Variants in MMP26 observed in about 807,000 individuals in gnomAD.
The protein encoded by MMP26 is matrix metallopeptidase 26.
In MMP26, 33 loss-of-function variants were observed where a neutral mutation model predicts 31.0. The ratio of observed to expected loss-of-function variants is 1.06; its 90% CI spans 0.81 to 1.42. The LOEUF is 1.42. Among genes scored for constraint, MMP26 ranks in the 40% most tolerant of loss-of-function variants. MMP26 has a pLI of 0.00. For missense variants in MMP26, 347 were observed against 316.1 expected, an observed-to-expected ratio of 1.10 and a Z score of -0.74; for synonymous variants, 122 against 114.9, an observed-to-expected ratio of 1.06 and a Z score of -0.40.
At chr11:4,967,887 A>C (rs1364337043) in intron 2 of MMP26, among the ~76,000 whole-genome samples, 3 of 152,182 alleles carry the variant, frequency 2.0e-5, no homozygotes, top group Non-Finnish European at 4.4e-5. Flanking sequence ...TAATCTACTA[A>C]ATTTCTGTAA....
At chr11:4,709,301 A>T (rs1405159755) in intron 1 of MMP26, among the ~76,000 whole-genome samples, 1 of 152,176 alleles carries the variant, frequency 6.6e-6, no homozygotes, top group Non-Finnish European at 1.5e-5. Flanking sequence ...TGTATATATA[A>T]GTATCCTGAA....
chr11:4,990,298 T>G (rs1564820832), intron 4 of MMP26, among the ~76,000 whole-genome samples: 1 of 152,190 alleles, frequency 6.6e-6, no homozygotes, highest in Non-Finnish European at 1.5e-5. Context: ...TAATTTAATT[T>G]TGTTCACATT....
At chr11:4,965,023 C>T (rs952533239) in intron 2 of MMP26, among the ~76,000 whole-genome samples, 1 of 152,146 alleles carries the variant, frequency 6.6e-6, no homozygotes, top group Non-Finnish European at 1.5e-5. Flanking sequence ...CAACATGGTA[C>T]ACATTTACCT....
chr11:4,909,752 G>A (rs769718782), intron 2 of MMP26, among the ~76,000 whole-genome samples: 1 of 152,122 alleles, frequency 6.6e-6, no homozygotes, highest in African/African-American at 2.4e-5. Flanking sequence ...TTTCTAAAAT[G>A]TAAATTTAAC....
intron 2 of MMP26, chr11:4,923,488 C>G: frequency 6.2e-7 from 1 of 1,614,012 alleles, no homozygotes; most frequent in East Asian, 2.2e-5. Context: ...GGGGTGGTAC[C>G]AGCAGATACA....
chr11:4,848,375 A>G, intron 2 of MMP26: 1 of 1,614,170 alleles, frequency 6.2e-7, no homozygotes, highest in South Asian at 1.1e-5. Flanking sequence ...GAGTATGGGT[A>G]TGCTGAGTGA....
At chr11:4,759,317 G>A (rs1297946526) in intron 1 of MMP26, among the ~76,000 whole-genome samples, 3 of 151,998 alleles carry the variant, frequency 2.0e-5, no homozygotes, top group Admixed American at 6.6e-5. Context: ...GTTGTGTCAC[G>A]GAGTGTTTAA....
At chr11:4,979,459 T>A (rs1846783782) in intron 2 of MMP26, among the ~76,000 whole-genome samples, 1 of 152,142 alleles carries the variant, frequency 6.6e-6, no homozygotes, top group African/African-American at 2.4e-5. Context: ...AGGATCTGAA[T>A]TGGCACTGAT....
At chr11:4,884,200 C>T (rs376025098) in intron 2 of MMP26, among the ~76,000 whole-genome samples, 5 of 151,926 alleles carry the variant, frequency 3.3e-5, no homozygotes, top group East Asian at 3.9e-4. Flanking sequence ...GAGTGTGTGG[C>T]GGGACTCACA....
chr11:4,893,198 A>G (rs1429897703), intron 2 of MMP26, among the ~76,000 whole-genome samples: 1 of 152,160 alleles, frequency 6.6e-6, no homozygotes, highest in Non-Finnish European at 1.5e-5. Context: ...TATAATATGG[A>G]TCAAATAAAC....
chr11:4,944,574 T>C (rs1440515126), intron 2 of MMP26: 1 of 152,290 alleles, frequency 6.6e-6, no homozygotes, highest in Non-Finnish European at 1.5e-5. Context: ...CTGGAAGGTG[T>C]TTCTTGATTC....
chr11:4,858,891 A>T (rs1850099557), intron 2 of MMP26, among the ~76,000 whole-genome samples: 2 of 152,210 alleles, frequency 1.3e-5, no homozygotes, highest in African/African-American at 4.8e-5. Context: ...CCAACGGAAC[A>T]GAACAGAGCC....
intron 2 of MMP26, among the ~76,000 whole-genome samples, chr11:4,815,918 C>T (rs557224959): frequency 2.0e-4 from 30 of 152,254 alleles, no homozygotes; most frequent in East Asian, 5.8e-4. Flanking sequence ...AGGATATTTA[C>T]GTGTTCACTC....
chr11:4,819,782 G>A (rs993031434), intron 2 of MMP26, among the ~76,000 whole-genome samples: 8 of 151,792 alleles, frequency 5.3e-5, no homozygotes, highest in African/African-American at 1.9e-4. Flanking sequence ...GTTTCCCTAT[G>A]TTACCCATGC....
intron 2 of MMP26, among the ~76,000 whole-genome samples, chr11:4,878,282 A>G (rs1330679070): frequency 6.6e-6 from 1 of 152,154 alleles, no homozygotes; most frequent in East Asian, 1.9e-4. Flanking sequence ...TGAGAAATCT[A>G]TCCGGACTGC....
chr11:4,748,830 C>T (rs972195465), intron 1 of MMP26, among the ~76,000 whole-genome samples: 3 of 151,836 alleles, frequency 2.0e-5, no homozygotes, highest in Non-Finnish European at 4.4e-5. Context: ...AACCTGCAGC[C>T]AACATCATAT....
In MMP26 at chr11:4,948,832, C is replaced by A. The variant is rs185077237; in HGVS notation, c.-144-39236C>A. 1.8e-3 allele frequency among the ~76,000 whole-genome samples: 223 copies of A among 124,766 alleles called. 43 individuals carry two copies. Among genetic ancestry groups the A allele is most frequent in the African/African-American group, 5.7e-3 (211 of 36,960 alleles). The allele number at this position is 124,766 out of a possible 152,430, so 81.9% of individuals were successfully genotyped here. A position where few individuals can be genotyped will look rare whatever the true frequency, so the allele number is the denominator to read the frequency against. The stretch of plus-strand genomic sequence containing the variant: ...ATGATTACTTCTTAGTTGCCAATTG[C>A]CTACTGTTTGCATCCCCAATGAAAA... On this transcript the variant is annotated intron_variant, in intron 2 of 7. Coordinates refer to ENST00000380390, the MANE Select transcript of MMP26 (RefSeq NM_021801.5).
intron 2 of MMP26, among the ~76,000 whole-genome samples, chr11:4,862,153 C>T (rs1022560181): frequency 1.3e-5 from 2 of 152,136 alleles, no homozygotes. Context: ...CCAATTATGC[C>T]GATTCCAAAT....
intron 2 of MMP26, among the ~76,000 whole-genome samples, chr11:4,825,200 C>A (rs1849563633): frequency 2.0e-5 from 3 of 152,138 alleles, no homozygotes; most frequent in African/African-American, 7.2e-5. Flanking sequence ...GGATCTGTTT[C>A]TTCTGGCATA....
Sources: gnomAD v4.1 joint callset for allele counts (sites outside exome capture counted in the v4.1 genomes callset) on GRCh38, gnomAD v4.1.1 for gene constraint, MANE v1.5 for transcripts, NCBI Gene and HGNC (gene_info 2026-07-23, HGNC 2026-07-21) for gene names.